The following CKAP2L variants were observed in gnomAD, a reference collection of about 807,000 sequenced individuals.
The protein encoded by CKAP2L is cytoskeleton-associated protein 2-like.
CKAP2L carries 42 observed loss-of-function variants against 65.7 expected under a neutral mutation model. The ratio of observed to expected loss-of-function variants is 0.64; its 90% confidence interval spans 0.50 to 0.83. CKAP2L has a LOEUF of 0.83. Among genes scored for constraint, CKAP2L ranks in the 40% least tolerant of loss-of-function variants. The pLI is 0.00. For synonymous variants in CKAP2L, 325 were observed against 313.5 expected (o/e 1.04, Z -0.39); for missense variants, 908 against 871.0 (o/e 1.04, Z -0.53).
At chr2:112,746,615 T>C in intron 5 of CKAP2L, 40 bp from the exon 6 acceptor site, 1 of 1,461,192 alleles carries the variant, frequency 6.8e-7, no homozygotes, top group Admixed American at 1.8e-5. Flanking sequence ...TTATTACCAT[T>C]TCACTGTTAG....
At position 112,743,204 on chromosome 2, in the gene CKAP2L, G is replaced by A. The variant is rs180703591; in HGVS notation, c.1759-435C>T. Among the ~76,000 whole-genome samples, 305 of 152,126 alleles carry A rather than the reference G, an allele frequency of 2.0e-3. 1 individual carries two copies. Among genetic ancestry groups the A allele is most frequent in the Non-Finnish European group, 2.6e-3 (176 of 68,006 alleles). ...CTGTCCCAGGCTGGAGTGCAGTGGC[G>A]CGATCTCGGCTCATTGCAAGCTCTG... On this transcript the variant is annotated intron_variant, in intron 6 of 8. Coordinates refer to ENST00000302450, the MANE Select transcript of CKAP2L (RefSeq NM_152515.5).
intron 4 of CKAP2L, among the ~76,000 whole-genome samples, chr2:112,754,855 TG>T (rs1157489982): frequency 6.6e-6 from 1 of 152,254 alleles, no homozygotes; most frequent in Non-Finnish European, 1.5e-5. Context: ...TGCTCAGGAT[TG>T]TTTTTCTTCT....
Position 112,755,368 on chromosome 2 carries a change from G to A in CKAP2L, c.1394+609C>T, listed in dbSNP as rs193120872. The stretch of plus-strand genomic sequence containing the variant: ...TTGGTCAGGCTGGTCTCGAACTCCC[G>A]ACCTCAGGTGATCCGCTCACCTCGG... On this transcript the variant is annotated intron_variant, in intron 4 of 8. Transcript: ENST00000302450. Among the ~76,000 whole-genome samples, 785 of 152,150 alleles carry A rather than the reference G, an allele frequency of 5.2e-3. 12 individuals are homozygous for A. The highest frequency in any genetic ancestry group is 4.4e-3 in the Non-Finnish European group (302 of 68,002).
At chr2:112,760,607 A>G (rs952023300) in intron 3 of CKAP2L, 106 bp downstream of exon 3, 41 of 612,010 alleles carry the variant, frequency 6.7e-5, no homozygotes, top group Non-Finnish European at 1.1e-4. Flanking sequence ...TATCTGTAAG[A>G]AATACCTTTC....
chr2:112,742,735 A>G lies in CKAP2L; in HGVS notation c.1793T>C (p.Ile598Thr), dbSNP rs757447326. The G allele has an allele frequency of 7.5e-6, 12 of 1,609,030 alleles. No homozygotes were observed. The East Asian group carries it at 2.0e-4, about 27-fold the overall frequency. ...IQELRKVVLNILQDSNRTTEG... is the reference protein window; with the variant it reads ...IQELRKVVLNTLQDSNRTTEG... ...TGTGGTTCTGTTTGAGTCTTGCAAG[A>G]TATTAAGAACAACTTTCCGCAACTC... The change falls in exon 7 of 9, where the codon ATC becomes ACC. Residue 598 changes from isoleucine to threonine, a missense_variant. Transcript: ENST00000302450.
At chr2:112,753,901 C>G (rs1205332323) in intron 4 of CKAP2L, among the ~76,000 whole-genome samples, 1 of 152,110 alleles carries the variant, frequency 6.6e-6, no homozygotes, top group East Asian at 1.9e-4. Flanking sequence ...TCAAATGACA[C>G]CTCCATGAAG....
chr2:112,760,672 C>CT (rs1340772127), intron 3 of CKAP2L, 41 bp downstream of exon 3: 2 of 959,384 alleles, frequency 2.1e-6, no homozygotes, highest in Non-Finnish European at 3.3e-6. Flanking sequence ...ACTAATCATA[C>CT]TTATGAATGC....
intron 7 of CKAP2L, 195 bp downstream of exon 7, chr2:112,742,511 G>A (rs1680043959): frequency 7.0e-6 from 5 of 718,024 alleles, no homozygotes; most frequent in Non-Finnish European, 1.3e-5. Flanking sequence ...CCTTTGTTCA[G>A]TATTGAGTAG....
chr2:112,738,472 C>A lies in CKAP2L; in HGVS notation c.*351G>T. On this transcript the variant is annotated 3_prime_UTR_variant, in exon 9 of 9. Transcript: ENST00000302450. Reference sequence around the variant, plus strand: ...AACTTGCCCTCTGCTAAGGTGGATGCAGAAAGAAAAGTCCCATTATATTGT... The same window carrying A: ...AACTTGCCCTCTGCTAAGGTGGATGAAGAAAGAAAAGTCCCATTATATTGT... The A allele has an allele frequency of 4.5e-6, 1 of 220,746 alleles. No homozygotes were observed. Among genetic ancestry groups the A allele is most frequent in the Middle Eastern group, 1.9e-3 (1 of 524 alleles). 13.7% of individuals were successfully genotyped at this position (220,746 alleles called of 1,614,324 possible). A position where few individuals can be genotyped will look rare whatever the true frequency, so the allele number is the denominator to read the frequency against.
Position 112,756,071 on chromosome 2 carries a change from T to G in CKAP2L, c.1300A>C (p.Lys434Gln), listed in dbSNP as rs760261986. 2.1e-5 allele frequency: 34 copies of G among 1,614,054 alleles called. No individual in the cohort carries two copies. The African/African-American group carries it at 3.1e-4, about 15-fold the overall frequency. ...TCAGCTTGAGTTTTGGGAGCTGTCT[T>G]GTTCAGAAAATGGTTCTGGGGAACA... Reference protein sequence around the residue: ...KAVPQNHFLNKTAPKTQADVT... With the variant: ...KAVPQNHFLNQTAPKTQADVT... Residue 434 changes from lysine to glutamine, a missense_variant, in exon 4 of 9, where the codon AAG (lysine) becomes CAG (glutamine). Coordinates refer to ENST00000302450, the MANE Select transcript of CKAP2L (RefSeq NM_152515.5).
In CKAP2L at chr2:112,742,731, C is replaced by A. The variant is rs369349558; in HGVS notation, c.1797G>T (p.Leu599Phe). The A allele has an allele frequency of 2.7e-5, 44 of 1,607,944 alleles. No homozygotes were observed. The highest frequency in any genetic ancestry group is 3.7e-5 in the Non-Finnish European group (43 of 1,176,260). The change falls in exon 7 of 9, where the codon TTG (leucine) becomes TTT (phenylalanine). Residue 599 changes from leucine (L) to phenylalanine (F), a missense_variant. Transcript: ENST00000302450. Reference protein sequence around the residue: ...QELRKVVLNILQDSNRTTEGI... With the variant: ...QELRKVVLNIFQDSNRTTEGI... ...CTTCTGTGGTTCTGTTTGAGTCTTG[C>A]AAGATATTAAGAACAACTTTCCGCA... is the stretch of plus-strand genomic sequence containing the variant.
chr2:112,740,760 C>CA, intron 8 of CKAP2L, 58 bp downstream of exon 8: 1 of 1,406,620 alleles, frequency 7.1e-7, no homozygotes, highest in South Asian at 1.3e-5. Context: ...AAGGAAAAAT[C>CA]GAGACTTGGA....
chr2:112,757,306 AT>A lies in CKAP2L; in HGVS notation c.157-93del, dbSNP rs11311327. ...CTGTGTTTAACACATGCTAAAAAAA[AT>A]AATCATTTTTAGAATTTCATCTAAG... On this transcript the variant is annotated intron_variant, in intron 3 of 8. Coordinates refer to ENST00000302450, the MANE Select transcript of CKAP2L (RefSeq NM_152515.5). 0.43 allele frequency: 374,553 copies of A among 872,026 alleles called. 79,004 individuals carry two copies. Among genetic ancestry groups the A allele is most frequent in the African/African-American group, 0.62 (34,966 of 56,720 alleles). 54.0% of individuals were successfully genotyped at this position (872,026 alleles called of 1,614,324 possible).
intron 5 of CKAP2L, among the ~76,000 whole-genome samples, chr2:112,748,784 C>T (rs1421518235): frequency 3.3e-5 from 5 of 151,630 alleles, no homozygotes; most frequent in Admixed American, 3.3e-4. Flanking sequence ...CACTTGGGTC[C>T]ACCCAGGAGG....
intron 2 of CKAP2L, among the ~76,000 whole-genome samples, chr2:112,762,130 T>C (rs1364635716): frequency 1.3e-5 from 2 of 152,210 alleles, no homozygotes; most frequent in African/African-American, 2.4e-5. Context: ...CTGGCTCTCC[T>C]GCCTTAGCAA....
At chr2:112,760,168 T>G (rs1680675961) in intron 3 of CKAP2L, among the ~76,000 whole-genome samples, 1 of 152,186 alleles carries the variant, frequency 6.6e-6, no homozygotes, top group East Asian at 1.9e-4. Context: ...CCATTCTATC[T>G]AATGTAGCTA....
At position 112,742,691 on chromosome 2, in the gene CKAP2L, C is replaced by A. The variant is rs375004681; in HGVS notation, c.1822+15G>T. ...CAGCTAGAGAAGATGAATTTAAATT[C>A]AAAAATAATAGTACCTTCTGTGGTT... is the stretch of plus-strand genomic sequence containing the variant. On this transcript the variant is annotated intron_variant, in intron 7 of 8. Transcript: ENST00000302450. The A allele has an allele frequency of 1.0e-5, 16 of 1,536,078 alleles. No individual in the cohort carries two copies. Among genetic ancestry groups the A allele is most frequent in the Admixed American group, 7.2e-5 (4 of 55,178 alleles).
chr2:112,738,509 T>G lies in CKAP2L; in HGVS notation c.*314A>C. On this transcript the variant is annotated 3_prime_UTR_variant, in exon 9 of 9. Coordinates refer to ENST00000302450, the MANE Select transcript of CKAP2L (RefSeq NM_152515.5). ...TCCCATTATATTGTGGGACCAACCT[T>G]CTGATATAAAAAACTATGTTGGGAT... 3.9e-6 allele frequency: 1 copy of G among 259,698 alleles called. No homozygotes were observed. Among genetic ancestry groups the G allele is most frequent in the Non-Finnish European group, 7.4e-6 (1 of 135,232 alleles). The allele number at this position is 259,698 out of a possible 1,614,324, so 16.1% of individuals were successfully genotyped here.
Position 112,746,528 on chromosome 2 carries a change from T to G in CKAP2L, c.1650A>C (p.Glu550Asp). ...EILNILSSIP[E>D]AEKFAKFWIC... ...TCCAGAATTTAGCAAATTTTTCAGCTTCAGGAATGCTGGACAATATGTTAA... is the reference window on the plus strand; with the variant it reads ...TCCAGAATTTAGCAAATTTTTCAGCGTCAGGAATGCTGGACAATATGTTAA... Residue 550 changes from glutamate (E) to aspartate (D), a missense_variant, in exon 6 of 9, where the codon GAA (glutamate) becomes GAC (aspartate). By Grantham distance (45) the Glu-to-Asp change is conservative. Transcript: ENST00000302450. The G allele has an allele frequency of 6.2e-7, 1 of 1,613,470 alleles. No individual in the cohort carries two copies. The highest frequency in any genetic ancestry group is 8.5e-7 in the Non-Finnish European group (1 of 1,179,524).
Sources: gnomAD v4.1 joint callset for allele counts (sites outside exome capture counted in the v4.1 genomes callset) on GRCh38, gnomAD v4.1.1 for gene constraint, MANE v1.5 for transcripts, NCBI Gene and HGNC (gene_info 2026-07-23, HGNC 2026-07-21) for gene names.